The following FEZF1 variants were observed in gnomAD, a reference collection of about 807,000 sequenced individuals.
FEZF1 encodes fez family zinc finger protein 1.
Under a neutral mutation model 32.4 loss-of-function variants are expected in FEZF1, and 8 were observed. The ratio of observed to expected loss-of-function variants is 0.25; its 90% CI spans 0.15 to 0.45. The LOEUF is 0.45. Among genes scored for constraint, FEZF1 ranks in the 20% least tolerant of loss-of-function variants. The probability of loss-of-function intolerance (pLI) is 1.00; values close to 1 mark genes in which losing one functional copy is unlikely to be tolerated. For synonymous variants in FEZF1, 259 were observed against 265.2 expected, an observed-to-expected ratio of 0.98 and a Z score of 0.23; for missense variants, 546 against 622.3, an observed-to-expected ratio of 0.88 and a Z score of 1.31.
rs2031183213 is a variant in FEZF1, at chr7:122,304,123, C to T, written c.315G>A (p.Ala105=). Residue 105 remains alanine (A), a synonymous_variant, in exon 1 of 4, where the codon GCG becomes GCA. Transcript: ENST00000442488. ...PRKASLEAPA[A]PAAVPSAPAF... ...CGGGAGCCGAGGGCACCGCCGCGGG[C>T]GCCGCCGGGGCCTCCAGACTGGCCT... 9 of 1,595,886 alleles carry T rather than the reference C, an allele frequency of 5.6e-6. No homozygotes were observed. Among genetic ancestry groups the T allele is most frequent in the Non-Finnish European group, 7.7e-6 (9 of 1,170,280 alleles).
chr7:122,302,417 G>A lies in FEZF1; in HGVS notation c.1070-62C>T, dbSNP rs2031076765. ...AAAAAAATAGCTTAAAAAGGGAGGAGCAGACACGTGGAAGGTAGCGCCAGG... is the reference window on the plus strand; with the variant it reads ...AAAAAAATAGCTTAAAAAGGGAGGAACAGACACGTGGAAGGTAGCGCCAGG... On this transcript the variant is annotated intron_variant, in intron 3 of 3. Transcript: ENST00000442488. The surrounding 1 kb of genome is among the most constrained non-coding windows in gnomAD (Gnocchi z 4.4). 2.5e-6 allele frequency: 4 copies of A among 1,603,092 alleles called. No individual in the cohort carries two copies. Among genetic ancestry groups the A allele is most frequent in the African/African-American group, 1.3e-5 (1 of 74,594 alleles).
Position 122,301,375 on chromosome 7 carries a change from T to C in FEZF1, c.*622A>G, listed in dbSNP as rs561678326. 2.0e-5 allele frequency: 3 copies of C among 152,340 alleles called. No homozygotes were observed. The highest frequency in any genetic ancestry group is 7.2e-5 in the African/African-American group (3 of 41,564). 9.4% of individuals were successfully genotyped at this position (152,340 alleles called of 1,614,324 possible). ...ATGAATCAATTTTCACGTGCAATAA[T>C]CAAAACCAAAATTCAAAATCATCCA... On this transcript the variant is annotated 3_prime_UTR_variant, in exon 4 of 4. Transcript: ENST00000442488.
Position 122,302,795 on chromosome 7 carries a change from A to G in FEZF1, c.1069+4T>C, listed in dbSNP as rs117528546. 0.032 allele frequency: 52,156 copies of G among 1,612,876 alleles called. 1,022 individuals carry two copies. Among genetic ancestry groups the G allele is most frequent in the Non-Finnish European group, 0.038 (44,517 of 1,179,208 alleles). The stretch of plus-strand genomic sequence containing the variant: ...CCATGAGAGACATTTCCTGGTTTGC[A>G]TACCTTTTTGATGAAACCCTTTGCC... On this transcript the variant is annotated splice_donor_region_variant and intron_variant, in intron 3 of 3. Coordinates refer to ENST00000442488, the MANE Select transcript of FEZF1 (RefSeq NM_001024613.4). This position sits in a 1 kb window ranked among gnomAD's most constrained non-coding sequence, Gnocchi z 4.4.
At chr7:122,305,167 G>A (rs2031236790), upstream of FEZF1, 1 of 152,228 alleles carries the variant, frequency 6.6e-6, no homozygotes, top group African/African-American at 2.4e-5. Flanking sequence ...CGGCTAGGAA[G>A]CCTCGGCAGT....
chr7:122,303,521 G>A (rs1186309147), intron 1 of FEZF1, 116 bp downstream of exon 1: 37 of 482,306 alleles, frequency 7.7e-5, no homozygotes, highest in Non-Finnish European at 1.3e-4. Flanking sequence ...AAGGAAGGAA[G>A]GAAGGAAGGA....
upstream of FEZF1, chr7:122,305,005 T>TC (rs2031232222): frequency 6.6e-6 from 1 of 151,002 alleles, no homozygotes; most frequent in Non-Finnish European, 1.5e-5. Flanking sequence ...TAACCAGGCT[T>TC]TAGAGGCCAA....
Position 122,304,628 on chromosome 7 carries a change from G to T in FEZF1, c.-191C>A. 2.1e-6 allele frequency: 1 copy of T among 469,856 alleles called. No individual in the cohort carries two copies. Among genetic ancestry groups the T allele is most frequent in the East Asian group, 3.4e-5 (1 of 29,610 alleles). 29.1% of individuals were successfully genotyped at this position (469,856 alleles called of 1,614,324 possible). A position where few individuals can be genotyped will look rare whatever the true frequency, so the allele number is the denominator to read the frequency against. On this transcript the variant is annotated 5_prime_UTR_variant, in exon 1 of 4. The change creates a new upstream start codon in the 5' untranslated region. Transcript: ENST00000442488. ...AATGGACTCCTGCCAGCCCATCGCA[G>T]AGTTCTTGGCGCACCAATGACTCGG...
upstream of FEZF1, chr7:122,307,187 G>C (rs751751367): frequency 2.0e-5 from 3 of 152,280 alleles, no homozygotes; most frequent in Non-Finnish European, 4.4e-5. Context: ...GGCTTTGCTG[G>C]GGCAAAGGGG....
At chr7:122,307,631 T>C (rs950116220), upstream of FEZF1, 7 of 152,392 alleles carry the variant, frequency 4.6e-5, no homozygotes, top group African/African-American at 1.7e-4. Flanking sequence ...GTATGCATGC[T>C]TTGTATAGTT....
At position 122,303,726 on chromosome 7, in the gene FEZF1, A is replaced by G; in HGVS notation, c.712T>C (p.Ser238Pro). 6.2e-7 allele frequency: 1 copy of G among 1,614,226 alleles called. No individual in the cohort carries two copies. Among genetic ancestry groups the G allele is most frequent in the Non-Finnish European group, 8.5e-7 (1 of 1,180,038 alleles). The change falls in exon 1 of 4, where the codon TCG (serine) becomes CCG (proline). Residue 238 changes from serine (S) to proline (P), a missense_variant. By Grantham distance (74) the Ser-to-Pro change is moderately conservative. This residue lies in a region of FEZF1 where 345 missense variants were observed against 360.6 expected (regional missense o/e 0.96). Transcript: ENST00000442488. ...GAGGTTTTGAACGCGATTTTTTCCG[A>G]CAGAAGCTGGGCGCTTTCTTTCATG... ...HYMKESAQLL[S>P]EKIAFKTSDF...
chr7:122,304,265 T>C lies in FEZF1; in HGVS notation c.173A>G (p.Lys58Arg), dbSNP rs2031193200. The C allele has an allele frequency of 6.2e-7, 1 of 1,608,944 alleles. No homozygotes were observed. The highest frequency in any genetic ancestry group is 2.2e-5 in the East Asian group (1 of 44,726). The change falls in exon 1 of 4, where the codon AAG becomes AGG. Residue 58 changes from lysine to arginine, a missense_variant. Around this residue, in one of 3 missense-constraint regions of FEZF1, gnomAD observed 345 missense variants for 360.6 expected, o/e 0.96. Coordinates refer to ENST00000442488, the MANE Select transcript of FEZF1 (RefSeq NM_001024613.4). The part of the protein sequence containing the change: ...VPHFLQGALP[K>R]GEPKHSLHLN... The stretch of plus-strand genomic sequence containing the variant: ...ATGCAGAGAGTGCTTGGGTTCCCCC[T>C]TGGGTAAGGCTCCCTGCAGGAAGTG...
At chr7:122,306,049 C>T (rs1554418094), upstream of FEZF1, 1 of 152,264 alleles carries the variant, frequency 6.6e-6, no homozygotes, top group Non-Finnish European at 1.5e-5. Context: ...CGGCGCGCAC[C>T]TTCCCCGGCG....
At chr7:122,305,169 C>T (rs1438595039), upstream of FEZF1, 1 of 152,202 alleles carries the variant, frequency 6.6e-6, no homozygotes, top group African/African-American at 2.4e-5. Flanking sequence ...GCTAGGAAGC[C>T]TCGGCAGTGA....
At position 122,303,934 on chromosome 7, in the gene FEZF1, G is replaced by A; in HGVS notation, c.504C>T (p.Gly168=). The A allele has an allele frequency of 6.2e-7, 1 of 1,609,900 alleles. No individual in the cohort carries two copies. Among genetic ancestry groups the A allele is most frequent in the Non-Finnish European group, 8.5e-7 (1 of 1,177,906 alleles). ...TCACGCCGGCTGCCGGGTGGCATGG[G>A]CCGTCACCTCGGTTCAGGTAGCACA... ...GALCYLNRGD[G]PCHPAAGVNI... The change falls in exon 1 of 4, where the codon GGC becomes GGT. Residue 168 remains glycine (G), a synonymous_variant. Coordinates refer to ENST00000442488, the MANE Select transcript of FEZF1 (RefSeq NM_001024613.4).
rs1221347151 is a variant in FEZF1 at position 122,304,250 on chromosome 7, T to C, written c.188A>G (p.His63Arg). 6 of 1,603,174 alleles carry C rather than the reference T, an allele frequency of 3.7e-6. No individual in the cohort carries two copies. Among genetic ancestry groups the C allele is most frequent in the South Asian group, 1.1e-5 (1 of 89,576 alleles). ...GATCGACGAGTTGAGATGCAGAGAG[T>C]GCTTGGGTTCCCCCTTGGGTAAGGC... The part of the protein sequence containing the change: ...QGALPKGEPK[H>R]SLHLNSSIPC... The change falls in exon 1 of 4, where the codon CAC (histidine) becomes CGC (arginine). Residue 63 changes from histidine to arginine, a missense_variant. This residue lies in a region of FEZF1 where 345 missense variants were observed against 360.6 expected (regional missense o/e 0.96). Coordinates refer to ENST00000442488, the MANE Select transcript of FEZF1 (RefSeq NM_001024613.4).
At chr7:122,306,077 G>C (rs546283810), upstream of FEZF1, 1 of 152,428 alleles carries the variant, frequency 6.6e-6, no homozygotes, top group South Asian at 2.1e-4. Context: ...TTGCCAGCCG[G>C]CGATCACGCA....
At position 122,302,059 on chromosome 7, in the gene FEZF1, G is replaced by A. The variant is rs1247650180; in HGVS notation, c.1366C>T (p.Leu456=). The A allele has an allele frequency of 6.2e-7, 1 of 1,606,124 alleles. No homozygotes were observed. Among genetic ancestry groups the A allele is most frequent in the East Asian group, 2.2e-5 (1 of 44,810 alleles). ...PQQPPMTLPP[L]QPPLPTPGPL... ...CCCGGGGTTGGCAGCGGCGGCTGCA[G>A]AGGAGGCAGCGTCATCGGCGGCTGC... is the stretch of plus-strand genomic sequence containing the variant. The change falls in exon 4 of 4, where the codon CTG becomes TTG. Residue 456 remains leucine, a synonymous_variant. Coordinates refer to ENST00000442488, the MANE Select transcript of FEZF1 (RefSeq NM_001024613.4). This position sits in a 1 kb window ranked among gnomAD's most constrained non-coding sequence, Gnocchi z 4.4.
chr7:122,302,468 CACA>C lies in FEZF1; in HGVS notation c.1070-116_1070-114del. On this transcript the variant is annotated intron_variant, in intron 3 of 3. Coordinates refer to ENST00000442488, the MANE Select transcript of FEZF1 (RefSeq NM_001024613.4). This position sits in a 1 kb window ranked among gnomAD's most constrained non-coding sequence, Gnocchi z 4.4. The stretch of plus-strand genomic sequence containing the variant: ...CAAGCAGAAGAGCCGCCACAGGTCC[CACA>C]ACAAGTGCAGGGCTACTATCTGTGC... The C allele has an allele frequency of 2.0e-6, 3 of 1,486,044 alleles. No individual in the cohort carries two copies. Among genetic ancestry groups the C allele is most frequent in the Non-Finnish European group, 2.7e-6 (3 of 1,103,334 alleles). The allele number at this position is 1,486,044 out of a possible 1,614,324, so 92.1% of individuals were successfully genotyped here.
chr7:122,308,010 T>C (rs2031332660), upstream of FEZF1, among the ~76,000 whole-genome samples: 1 of 152,154 alleles, frequency 6.6e-6, no homozygotes, highest in African/African-American at 2.4e-5. Context: ...AAAAACAGAG[T>C]ATATTCAGCA....
Sources: gnomAD v4.1 joint callset for allele counts (sites outside exome capture counted in the v4.1 genomes callset) on GRCh38, gnomAD v4.1.1 for gene constraint, gnomAD v4.1.1 regional missense constraint, Gnocchi (gnomAD v3.1) non-coding constraint, MANE v1.5 for transcripts, NCBI Gene and HGNC (gene_info 2026-07-23, HGNC 2026-07-21) for gene names.